The following FAT4 variants were observed in gnomAD, a reference collection of about 807,000 sequenced individuals.
The protein encoded by FAT4 is FAT atypical cadherin 4, also known as protocadherin Fat 4.
A neutral mutation model predicts 303.9 loss-of-function variants in FAT4; 84 were observed. The ratio of observed to expected loss-of-function variants is 0.28; its 90% CI spans 0.23 to 0.33. FAT4 has a LOEUF of 0.33. Among genes scored for constraint, FAT4 ranks in the 10% least tolerant of loss-of-function variants. The probability of loss-of-function intolerance (pLI) is 1.00; values close to 1 mark genes in which losing one functional copy is unlikely to be tolerated. For synonymous variants in FAT4, 2,307 were observed against 2,298.8 expected, an observed-to-expected ratio of 1.00 and a Z score of -0.10; for missense variants, 6,005 against 6,146.8, an observed-to-expected ratio of 0.98 and a Z score of 0.77.
intron 2 of FAT4, among the ~76,000 whole-genome samples, chr4:125,333,891 G>A (rs984373369): frequency 6.6e-6 from 1 of 152,100 alleles, no homozygotes; most frequent in Non-Finnish European, 1.5e-5. Context: ...CTCTGGTGGA[G>A]TCACTAATAT....
At chr4:125,463,780 G>A in intron 11 of FAT4, 113 bp downstream of exon 11, 3 of 541,536 alleles carry the variant, frequency 5.5e-6, no homozygotes, top group Non-Finnish European at 9.7e-6. Flanking sequence ...TTACATGGAA[G>A]GTTTTATTAA....
chr4:125,367,373 G>C (rs1464990312), intron 2 of FAT4, among the ~76,000 whole-genome samples: 1 of 152,072 alleles, frequency 6.6e-6, no homozygotes, highest in Non-Finnish European at 1.5e-5. Flanking sequence ...AGGAAATGAA[G>C]AACACAAAGG....
chr4:125,373,598 A>G (rs1007913489), intron 2 of FAT4, among the ~76,000 whole-genome samples: 1 of 152,206 alleles, frequency 6.6e-6, no homozygotes, highest in African/African-American at 2.4e-5. Flanking sequence ...TGCTAATACT[A>G]ATATCAGTTC....
At chr4:125,469,911 T>C (rs1347765371) in intron 12 of FAT4, among the ~76,000 whole-genome samples, 1 of 152,214 alleles carries the variant, frequency 6.6e-6, no homozygotes. Context: ...GTTTTTAATT[T>C]ACTTTGCCCA....
intron 7 of FAT4, among the ~76,000 whole-genome samples, chr4:125,423,746 T>C (rs1481528581): frequency 6.6e-6 from 1 of 152,156 alleles, no homozygotes; most frequent in Non-Finnish European, 1.5e-5. Context: ...GGAGTGGGAC[T>C]GTACCCTGCA....
At position 125,337,366 on chromosome 4, in the gene FAT4, A is replaced by T. The variant is rs1578535386; in HGVS notation, c.5175+15780A>T. On this transcript the variant is annotated intron_variant, in intron 2 of 17. Coordinates refer to ENST00000394329, the MANE Select transcript of FAT4 (RefSeq NM_001291303.3). Reference sequence around the variant, plus strand: ...AAAAGGAAAAGCATACTTAGGAAACACAGAAAATTTATTTTTTAAGGGTTG... The same window carrying T: ...AAAAGGAAAAGCATACTTAGGAAACTCAGAAAATTTATTTTTTAAGGGTTG... Among the ~76,000 whole-genome samples the T allele has an allele frequency of 2.0e-5, 3 of 152,094 alleles. No homozygotes were observed. In the East Asian group the frequency reaches 5.8e-4, roughly 29 times the overall value.
Position 125,319,531 on chromosome 4 carries a change from A to G in FAT4, c.3120A>G (p.Thr1040=), listed in dbSNP as rs202128638. 2.6e-4 allele frequency: 426 copies of G among 1,614,060 alleles called. 1 individual carries two copies. The highest frequency in any genetic ancestry group is 4.9e-5 in the Non-Finnish European group (58 of 1,180,014). The change falls in exon 2 of 18, where the codon ACA becomes ACG. Residue 1040 remains threonine, a synonymous_variant. Coordinates refer to ENST00000394329, the MANE Select transcript of FAT4 (RefSeq NM_001291303.3). ...EIAYTIAEGN[T]GDAFGIFPDG... is the part of the protein sequence containing the mutation. ...CATACACCATTGCTGAAGGAAATAC[A>G]GGGGATGCTTTTGGCATATTCCCAG... is the stretch of plus-strand genomic sequence containing the variant.
intron 3 of FAT4, among the ~76,000 whole-genome samples, chr4:125,399,411 AT>A (rs758174367): frequency 1.1e-3 from 165 of 152,040 alleles, no homozygotes; most frequent in Non-Finnish European, 7.8e-4. Flanking sequence ...TGTGATTTGT[AT>A]TTTTCTTATG....
At chr4:125,487,275 A>T in intron 16 of FAT4, 70 bp from the exon 17 acceptor site, 1 of 1,461,080 alleles carries the variant, frequency 6.8e-7, no homozygotes, top group South Asian at 1.3e-5. Context: ...ATTTAAGTTT[A>T]GTTTTGTTAA....
At chr4:125,334,743 T>A (rs1450636795) in intron 2 of FAT4, among the ~76,000 whole-genome samples, 1 of 152,136 alleles carries the variant, frequency 6.6e-6, no homozygotes, top group Admixed American at 6.6e-5. Flanking sequence ...ATTGATTATA[T>A]TATATGGTCA....
intron 16 of FAT4, among the ~76,000 whole-genome samples, chr4:125,485,639 G>GT (rs1448330902): frequency 6.6e-6 from 1 of 152,052 alleles, no homozygotes; most frequent in African/African-American, 2.4e-5. Context: ...GATGAGGCTG[G>GT]TTTACAGCTA....
Position 125,491,754 on chromosome 4 carries a change from G to C in FAT4, c.14938G>C (p.Glu4980Gln). The C allele has an allele frequency of 6.2e-7, 1 of 1,611,338 alleles. No individual in the cohort carries two copies. The highest frequency in any genetic ancestry group is 8.5e-7 in the Non-Finnish European group (1 of 1,178,742). ...TKPVPKDGEAEQYV is the reference protein window; with the variant it reads ...TKPVPKDGEAQQYV ...ACCAGTCCCCAAAGATGGGGAAGCA[G>C]AACAGTATGTGTGAAGTTTATGTAC... Residue 4980 changes from glutamate to glutamine, a missense_variant, in exon 18 of 18, where the codon GAA becomes CAA. Transcript: ENST00000394329.
intron 2 of FAT4, 42 bp from the exon 3 acceptor site, chr4:125,398,742 C>G: frequency 6.2e-7 from 1 of 1,603,834 alleles, no homozygotes; most frequent in Non-Finnish European, 8.5e-7. Flanking sequence ...ATCTTGCAGA[C>G]ACGTGGGAGT....
At chr4:125,397,615 T>C (rs1273593585) in intron 2 of FAT4, among the ~76,000 whole-genome samples, 1 of 152,196 alleles carries the variant, frequency 6.6e-6, no homozygotes, top group East Asian at 1.9e-4. Context: ...ATAACAATTA[T>C]TTAGTACTTA....
Position 125,491,058 on chromosome 4 carries a change from G to A in FAT4, c.14242G>A (p.Ala4748Thr). 6.2e-7 allele frequency: 1 copy of A among 1,614,216 alleles called. No homozygotes were observed. The highest frequency in any genetic ancestry group is 8.5e-7 in the Non-Finnish European group (1 of 1,180,042). ...DTCQPGIFNY[A>T]TRLGRRSKSP... is the part of the protein sequence containing the mutation. ...CTGCCAACCTGGCATTTTCAACTAT[G>A]CCACAAGGCTGGGAAGGAGAAGCAA... The change falls in exon 18 of 18, where the codon GCC becomes ACC. Residue 4748 changes from alanine (A) to threonine (T), a missense_variant. Ala to Thr is a moderately conservative substitution (Grantham distance 58). Transcript: ENST00000394329.
chr4:125,423,400 G>A (rs950958030), intron 7 of FAT4, among the ~76,000 whole-genome samples: 1 of 152,128 alleles, frequency 6.6e-6, no homozygotes, highest in African/African-American at 2.4e-5. Context: ...GCTAAAAGGG[G>A]CCAAGGTTCA....
chr4:125,481,684 C>T lies in FAT4; in HGVS notation c.12768C>T (p.Ser4256=), dbSNP rs1006074076. ...TGGAAGTAAAATTTAGGACCAGAAG[C>T]GAGAATGGCGTTTTAATCCATATCC... ...NSLEVKFRTR[S]ENGVLIHIQE... Residue 4256 remains serine, a synonymous_variant, in exon 16 of 18, where the codon AGC becomes AGT. Coordinates refer to ENST00000394329, the MANE Select transcript of FAT4 (RefSeq NM_001291303.3). 14 of 1,613,836 alleles carry T rather than the reference C, an allele frequency of 8.7e-6. No homozygotes were observed. The highest frequency in any genetic ancestry group is 5.3e-5 in the African/African-American group (4 of 74,880).
At chr4:125,329,809 A>G (rs1163754011) in intron 2 of FAT4, among the ~76,000 whole-genome samples, 1 of 152,172 alleles carries the variant, frequency 6.6e-6, no homozygotes, top group Non-Finnish European at 1.5e-5. Context: ...GTTGATGGCA[A>G]TTCCAACCTT....
intron 2 of FAT4, among the ~76,000 whole-genome samples, chr4:125,376,749 A>G (rs180870095): frequency 1.3e-5 from 2 of 152,130 alleles, no homozygotes; most frequent in African/African-American, 4.8e-5. Flanking sequence ...AAAATACAAA[A>G]TTAGTGGGGC....
Sources: gnomAD v4.1 joint callset for allele counts (sites outside exome capture counted in the v4.1 genomes callset) on GRCh38, gnomAD v4.1.1 for gene constraint, MANE v1.5 for transcripts, NCBI Gene and HGNC (gene_info 2026-07-23, HGNC 2026-07-21) for gene names.